Variants in NMU observed in about 807,000 individuals in gnomAD.
NMU encodes neuromedin U, also known as neuromedin-U.
In NMU, 29 loss-of-function variants were observed where a neutral mutation model predicts 35.4. The observed-to-expected ratio is 0.82, with a 90% CI of 0.61 to 1.12. NMU has a LOEUF of 1.12. NMU is among the 50% of genes most tolerant of loss of function. NMU has a pLI of 0.00. For missense variants in NMU, 199 were observed against 206.2 expected, an observed-to-expected ratio of 0.97 and a Z score of 0.21; for synonymous variants, 78 against 81.3, an observed-to-expected ratio of 0.96 and a Z score of 0.22.
chr4:55,614,334 T>G (rs1734038707), intron 3 of NMU, among the ~76,000 whole-genome samples: 1 of 152,184 alleles, frequency 6.6e-6, no homozygotes, highest in Non-Finnish European at 1.5e-5. Context: ...TATATGGTTT[T>G]TAAACTAATG....
At chr4:55,616,473 A>G in intron 2 of NMU, 88 bp from the exon 3 acceptor site, 1 of 954,682 alleles carries the variant, frequency 1.0e-6, no homozygotes, top group Non-Finnish European at 1.7e-6. Context: ...TACCTATGGA[A>G]CATTAACCAC....
intron 4 of NMU, 36 bp downstream of exon 4, chr4:55,609,084 T>C: frequency 6.3e-7 from 1 of 1,575,562 alleles, no homozygotes; most frequent in Non-Finnish European, 8.7e-7. Context: ...TTTTGGATAA[T>C]TTTTGTCTAC....
At chr4:55,633,750 G>C (rs1343409618) in intron 1 of NMU, among the ~76,000 whole-genome samples, 1 of 152,174 alleles carries the variant, frequency 6.6e-6, no homozygotes, top group Non-Finnish European at 1.5e-5. Flanking sequence ...CTGTCGGATT[G>C]GGAAGTGAGA....
upstream of NMU, chr4:55,636,789 A>T (rs1257595606): frequency 6.6e-6 from 1 of 152,340 alleles, no homozygotes. This position sits in a 1 kb window ranked among gnomAD's most constrained non-coding sequence, Gnocchi z 4.0. Context: ...TGTTGGTTCA[A>T]CTGTGATGTT....
chr4:55,631,907 ACAAC>A (rs1734769006), intron 1 of NMU, among the ~76,000 whole-genome samples: 2 of 152,254 alleles, frequency 1.3e-5, no homozygotes, highest in South Asian at 4.1e-4. Context: ...AGATATGGAA[ACAAC>A]CTAAGTGCCT....
intron 9 of NMU, among the ~76,000 whole-genome samples, chr4:55,598,066 T>C (rs1295826878): frequency 6.7e-6 from 1 of 150,128 alleles, no homozygotes; most frequent in Admixed American, 6.7e-5. Context: ...GAAATTTACT[T>C]TGTTGTTGTT....
chr4:55,616,624 A>G (rs2110200656), intron 2 of NMU, among the ~76,000 whole-genome samples: 2 of 152,306 alleles, frequency 1.3e-5, no homozygotes, highest in South Asian at 4.1e-4. Context: ...GACAGGGACC[A>G]TCCTAGGGCA....
chr4:55,635,003 T>C (rs911615049), intron 1 of NMU, among the ~76,000 whole-genome samples: 2 of 152,194 alleles, frequency 1.3e-5, no homozygotes, highest in African/African-American at 4.8e-5. Flanking sequence ...TTTCCCCATC[T>C]CTAATTGAGG....
At chr4:55,596,798 T>C (rs1005832650) in intron 9 of NMU, among the ~76,000 whole-genome samples, 2 of 152,198 alleles carry the variant, frequency 1.3e-5, no homozygotes, top group African/African-American at 4.8e-5. Flanking sequence ...AAGAACTACA[T>C]TAAATAAGAA....
At position 55,600,534 on chromosome 4, in the gene NMU, A is replaced by T; in HGVS notation, c.477T>A (p.Tyr159Ter). The change falls in exon 8 of 10, where the codon TAT (tyrosine) becomes TAA (stop). Residue 159 changes from tyrosine to a stop codon, truncating the protein, a stop_gained. Coordinates refer to ENST00000264218, the MANE Select transcript of NMU (RefSeq NM_006681.4). LOFTEE classifies it high-confidence loss of function. ...AGTATGTACCTACCCTGAATAAAAAATATCCTCGACTTTGACTTGCAAAGG... is the reference window on the plus strand; with the variant it reads ...AGTATGTACCTACCCTGAATAAAAATTATCCTCGACTTTGACTTGCAAAGG... ...QSPFASQSRG[Y>*]FLFRPRNGRR... is the part of the protein sequence containing the mutation. 1.2e-6 allele frequency: 2 copies of T among 1,609,748 alleles called. No individual in the cohort carries two copies. Among genetic ancestry groups the T allele is most frequent in the Non-Finnish European group, 1.7e-6 (2 of 1,176,268 alleles).
At chr4:55,605,007 C>T (rs1733620508) in intron 7 of NMU, among the ~76,000 whole-genome samples, 1 of 152,140 alleles carries the variant, frequency 6.6e-6, no homozygotes, top group Non-Finnish European at 1.5e-5. Context: ...CACCAAAAGT[C>T]ATGGCTTTTG....
chr4:55,634,199 C>T (rs185650112), intron 1 of NMU, among the ~76,000 whole-genome samples: 195 of 152,180 alleles, frequency 1.3e-3, no homozygotes, highest in African/African-American at 4.5e-3. Context: ...ATGTCACGCC[C>T]CCCTCGGTGC....
At chr4:55,598,095 T>G (rs1733269509) in intron 9 of NMU, among the ~76,000 whole-genome samples, 1 of 144,210 alleles carries the variant, frequency 6.9e-6, no homozygotes, top group Admixed American at 6.9e-5. Context: ...TGTGGTTTTT[T>G]TTTTTTTTTT....
chr4:55,630,820 G>C (rs887781987), intron 1 of NMU, among the ~76,000 whole-genome samples: 4 of 151,804 alleles, frequency 2.6e-5, no homozygotes, highest in Non-Finnish European at 4.4e-5. Flanking sequence ...TACAGAACTA[G>C]AAAAAACAAT....
chr4:55,606,661 C>A (rs558985089), intron 6 of NMU, among the ~76,000 whole-genome samples: 1 of 150,958 alleles, frequency 6.6e-6, no homozygotes, highest in East Asian at 1.9e-4. Flanking sequence ...TTCACAAAAG[C>A]AGGGATTTTT....
intron 6 of NMU, among the ~76,000 whole-genome samples, chr4:55,606,972 C>T (rs1174969296): frequency 6.6e-6 from 1 of 152,194 alleles, no homozygotes; most frequent in African/African-American, 2.4e-5. Context: ...GCCACCATAC[C>T]TGGCCAGGGA....
intron 6 of NMU, 102 bp downstream of exon 6, chr4:55,607,196 G>GT: frequency 1.3e-6 from 1 of 785,400 alleles, no homozygotes; most frequent in Non-Finnish European, 2.2e-6. Flanking sequence ...AACTTTTAAA[G>GT]TAAAAAATTT....
intron 2 of NMU, among the ~76,000 whole-genome samples, chr4:55,618,687 T>G (rs1734214116): frequency 7.8e-6 from 1 of 128,196 alleles, no homozygotes; most frequent in African/African-American, 2.7e-5. Context: ...TTCTTCTCTC[T>G]TTCTTCTCTC....
At chr4:55,602,549 C>T (rs1476584796) in intron 7 of NMU, among the ~76,000 whole-genome samples, 1 of 152,140 alleles carries the variant, frequency 6.6e-6, no homozygotes, top group Admixed American at 6.5e-5. Flanking sequence ...AATCACGGCA[C>T]TGAAATAATG....
Sources: allele counts gnomAD v4.1 joint callset (sites outside exome capture counted in the v4.1 genomes callset), GRCh38; gene constraint gnomAD v4.1.1; non-coding constraint Gnocchi (gnomAD v3.1); transcripts MANE v1.5; gene names NCBI Gene and HGNC (gene_info 2026-07-23, HGNC 2026-07-21).